Variants in RHOBTB2 observed in about 807,000 individuals in gnomAD.
RHOBTB2 encodes the protein Rho related BTB domain containing 2.
A neutral mutation model predicts 66.5 loss-of-function variants in RHOBTB2; 39 were observed. The observed-to-expected ratio is 0.59, with a 90% confidence interval of 0.45 to 0.77. RHOBTB2 has a LOEUF of 0.77. RHOBTB2 is among the 30% of genes least tolerant of loss of function. RHOBTB2 has a pLI of 0.00. For synonymous variants in RHOBTB2, 390 were observed against 395.0 expected, an observed-to-expected ratio of 0.99 and a Z score of 0.15; for missense variants, 755 against 999.1, an observed-to-expected ratio of 0.76 and a Z score of 3.29.
upstream of RHOBTB2, among the ~76,000 whole-genome samples, chr8:22,986,985 C>T (rs980358351): frequency 1.3e-5 from 2 of 152,356 alleles, no homozygotes; most frequent in South Asian, 2.1e-4. Context: ...CTTGCTTCTT[C>T]GTGGCCTTCC....
intron 7 of RHOBTB2, among the ~76,000 whole-genome samples, chr8:23,012,183 A>G (rs2128806939): frequency 6.6e-6 from 1 of 152,374 alleles, no homozygotes; most frequent in African/African-American, 2.4e-5. Flanking sequence ...TTCCACTTTT[A>G]AAAGACTATC....
At chr8:22,997,849 T>C (rs979940885), upstream of RHOBTB2, among the ~76,000 whole-genome samples, 8 of 152,302 alleles carry the variant, frequency 5.3e-5, no homozygotes, top group Non-Finnish European at 8.8e-5. Flanking sequence ...AAGTTATGAT[T>C]TTCTCTGGCG....
chr8:22,978,639 T>A, the RHOBTB2 span, among the ~76,000 whole-genome samples: 1 of 151,568 alleles, frequency 6.6e-6, no homozygotes, highest in African/African-American at 2.4e-5. Flanking sequence ...AAACAGAATG[T>A]ATTCCACGTA....
chr8:22,980,082 C>A, the RHOBTB2 span, among the ~76,000 whole-genome samples: 1 of 151,868 alleles, frequency 6.6e-6, no homozygotes, highest in African/African-American at 2.4e-5. Context: ...TTTTAAGCCT[C>A]TTAATATATA....
At chr8:22,953,702 T>C in the RHOBTB2 span, among the ~76,000 whole-genome samples, 6 of 152,226 alleles carry the variant, frequency 3.9e-5, no homozygotes, top group Admixed American at 6.5e-5. Flanking sequence ...TAAGTCAACA[T>C]TTGTTGAGTT....
At chr8:22,990,690 C>T (rs1262901697) in intron 1 of RHOBTB2, among the ~76,000 whole-genome samples, 1 of 152,166 alleles carries the variant, frequency 6.6e-6, no homozygotes, top group African/African-American at 2.4e-5. Context: ...CCACAGACAA[C>T]CAGAAGGTTG....
At chr8:22,979,216 T>C in the RHOBTB2 span, among the ~76,000 whole-genome samples, 9 of 152,170 alleles carry the variant, frequency 5.9e-5, no homozygotes, top group Non-Finnish European at 1.0e-4. Context: ...TCTTTCTTCC[T>C]CCCTTCCTTT....
chr8:23,007,566 A>G lies in RHOBTB2; in HGVS notation c.1321A>G (p.Asn441Asp). ...KYLYTGELDENERDLMHIAHI... is the reference protein window; with the variant it reads ...KYLYTGELDEDERDLMHIAHI... The stretch of plus-strand genomic sequence containing the variant: ...CCTGTACACGGGGGAGCTAGATGAG[A>G]ACGAGCGTGACCTCATGCACATTGC... Residue 441 changes from asparagine to aspartate, a missense_variant, in exon 5 of 10, where the codon AAC (asparagine) becomes GAC (aspartate). This residue lies in a region of RHOBTB2 where 353 missense variants were observed against 458.2 expected (regional missense o/e 0.77). Transcript: ENST00000251822. 1 of 1,614,132 alleles carries G rather than the reference A, an allele frequency of 6.2e-7. No individual in the cohort carries two copies. The highest frequency in any genetic ancestry group is 8.5e-7 in the Non-Finnish European group (1 of 1,180,016).
rs1810918848 is a variant in RHOBTB2, at chr8:23,005,445, A to G, written c.266A>G (p.His89Arg). ...CGCCTCTGGGACACCTTTGGAGACC[A>G]CCACAAAGACCGTCGCTTTGCTTAT... ...SLRLWDTFGDHHKDRRFAYGR... is the reference protein window; with the variant it reads ...SLRLWDTFGDRHKDRRFAYGR... The change falls in exon 3 of 10, where the codon CAC (histidine) becomes CGC (arginine). Residue 89 changes from histidine to arginine, a missense_variant. This residue lies in a region of RHOBTB2 where 65 missense variants were observed against 152.4 expected (regional missense o/e 0.43). Transcript: ENST00000251822. 4 of 1,613,842 alleles carry G rather than the reference A, an allele frequency of 2.5e-6. No individual in the cohort carries two copies. Among genetic ancestry groups the G allele is most frequent in the Non-Finnish European group, 3.4e-6 (4 of 1,179,766 alleles).
Position 23,007,482 on chromosome 8 carries a change from G to A in RHOBTB2, c.1237G>A (p.Val413Met). 1 of 1,614,226 alleles carries A rather than the reference G, an allele frequency of 6.2e-7. No individual in the cohort carries two copies. Among genetic ancestry groups the A allele is most frequent in the Non-Finnish European group, 8.5e-7 (1 of 1,180,040 alleles). The change falls in exon 5 of 10, where the codon GTG becomes ATG. Residue 413 changes from valine (V) to methionine (M), a missense_variant. By Grantham distance (21) the Val-to-Met change is conservative (BLOSUM62 1). This residue lies in a region of RHOBTB2 where 353 missense variants were observed against 458.2 expected (regional missense o/e 0.77). Coordinates refer to ENST00000251822, the MANE Select transcript of RHOBTB2 (RefSeq NM_015178.3). ...TCTCACCTACAAATCCCGGCTGATG[G>A]TGGTGGTGAAGATGGACAGTTCCAT... The part of the protein sequence containing the change: ...DPLTYKSRLM[V>M]VVKMDSSIQP...
upstream of RHOBTB2, among the ~76,000 whole-genome samples, chr8:22,983,699 CA>C (rs1398899430): frequency 6.6e-6 from 1 of 151,248 alleles, no homozygotes; most frequent in Non-Finnish European, 1.5e-5. Context: ...ACTGGTTTCA[CA>C]TACTTTGGAT....
At chr8:22,965,319 A>T in the RHOBTB2 span, among the ~76,000 whole-genome samples, 2 of 152,188 alleles carry the variant, frequency 1.3e-5, no homozygotes, top group African/African-American at 2.4e-5. Context: ...TTGTTCATAG[A>T]TTGGAAGCCT....
rs561402561 is a variant in RHOBTB2, at chr8:23,017,701, G to C, written c.*232G>C. On this transcript the variant is annotated 3_prime_UTR_variant, in exon 10 of 10. Transcript: ENST00000251822. The surrounding 1 kb of genome is among the most constrained non-coding windows in gnomAD (Gnocchi z 5.3). ...TCCCCAGACCCAAAGCAGGACGGGA[G>C]ACAACTGCTTGGAGGAGCGAAGAGC... 752 of 611,466 alleles carry C rather than the reference G, an allele frequency of 1.2e-3. 9 individuals are homozygous for C. Among genetic ancestry groups the C allele is most frequent in the Middle Eastern group, 4.5e-4 (1 of 2,230 alleles). The allele number at this position is 611,466 out of a possible 1,614,324, so 37.9% of individuals were successfully genotyped here.
the RHOBTB2 span, among the ~76,000 whole-genome samples, chr8:22,966,381 T>G: frequency 6.6e-6 from 1 of 151,496 alleles, no homozygotes; most frequent in Non-Finnish European, 1.5e-5. Flanking sequence ...AAAAGAAAAC[T>G]TATGAGACCC....
the RHOBTB2 span, among the ~76,000 whole-genome samples, chr8:22,965,114 G>T: frequency 6.6e-6 from 1 of 152,122 alleles, no homozygotes; most frequent in South Asian, 2.1e-4. Context: ...ACCACATCTG[G>T]CGTAGTAATT....
At chr8:22,961,581 G>A in the RHOBTB2 span, among the ~76,000 whole-genome samples, 9 of 152,012 alleles carry the variant, frequency 5.9e-5, no homozygotes, top group East Asian at 1.9e-4. Context: ...GTCCTACCTC[G>A]TAAGGTACAT....
At chr8:23,000,613 G>A (rs190569308) in intron 1 of RHOBTB2, among the ~76,000 whole-genome samples, 1 of 152,288 alleles carries the variant, frequency 6.6e-6, no homozygotes, top group East Asian at 1.9e-4. Context: ...GGGCTTATCT[G>A]TGTTTAGGCT....
upstream of RHOBTB2, chr8:22,999,522 T>G: frequency 4.6e-6 from 5 of 1,079,082 alleles, no homozygotes; most frequent in Non-Finnish European, 5.7e-6. Context: ...CCGAACGCTT[T>G]CCACCAACTG....
At chr8:22,994,494 T>TA in intron 2 of RHOBTB2, 1 of 932,112 alleles carries the variant, frequency 1.1e-6, no homozygotes. Context: ...ATTCGCGGTG[T>TA]GCTCATTCCC....
Sources: allele counts gnomAD v4.1 joint callset (sites outside exome capture counted in the v4.1 genomes callset), GRCh38; gene constraint gnomAD v4.1.1; regional missense constraint gnomAD v4.1.1; non-coding constraint Gnocchi (gnomAD v3.1); transcripts MANE v1.5; gene names NCBI Gene and HGNC (gene_info 2026-07-23, HGNC 2026-07-21).